Variants in EYA3 observed in about 807,000 individuals in gnomAD.
EYA3 encodes the protein EYA transcriptional coactivator and phosphatase 3, also known as protein phosphatase EYA3.
EYA3 carries 39 observed loss-of-function variants against 80.0 expected under a neutral mutation model. That is an observed-to-expected ratio of 0.49 (90% confidence interval 0.38 to 0.64). EYA3 has a LOEUF of 0.64. EYA3 is among the 30% of genes least tolerant of loss of function. The pLI is 0.00. For missense variants in EYA3, 523 were observed against 676.1 expected (o/e 0.77, Z 2.51); for synonymous variants, 206 against 232.8 (o/e 0.88, Z 1.05).
intron 15 of EYA3, 68 bp from the exon 16 acceptor site, chr1:27,988,724 G>T: frequency 6.4e-7 from 1 of 1,558,078 alleles, no homozygotes; most frequent in Non-Finnish European, 8.7e-7. Flanking sequence ...ATTCGTATGT[G>T]CCAACTCTTT....
chr1:27,980,160 TC>T (rs2148705059), intron 16 of EYA3, among the ~76,000 whole-genome samples: 1 of 152,368 alleles, frequency 6.6e-6, no homozygotes, highest in South Asian at 2.1e-4. Context: ...TTCATATTAA[TC>T]TCACAAATGA....
Position 28,035,666 on chromosome 1 carries a change from A to C in EYA3, c.239T>G (p.Ile80Ser). Residue 80 changes from isoleucine to serine, a missense_variant, in exon 6 of 18, where the codon ATT becomes AGT. Ile to Ser is a moderately radical substitution (Grantham distance 142, BLOSUM62 -2). Coordinates refer to ENST00000373871, the MANE Select transcript of EYA3 (RefSeq NM_001990.4). Reference protein sequence around the residue: ...QMYSAKPYAHILSVPVSETAY... With the variant: ...QMYSAKPYAHSLSVPVSETAY... Reference sequence around the variant, plus strand: ...AGTTTCCGAAACAGGAACTGAGAGAATATGTGCATAAGGTCTGGAAAATTT... The same window carrying C: ...AGTTTCCGAAACAGGAACTGAGAGACTATGTGCATAAGGTCTGGAAAATTT... 6.2e-7 allele frequency: 1 copy of C among 1,614,026 alleles called. No homozygotes were observed. Among genetic ancestry groups the C allele is most frequent in the Non-Finnish European group, 8.5e-7 (1 of 1,179,994 alleles).
At chr1:28,081,749 A>C (rs2148956590) in intron 1 of EYA3, among the ~76,000 whole-genome samples, 1 of 152,302 alleles carries the variant, frequency 6.6e-6, no homozygotes, top group South Asian at 2.1e-4. Flanking sequence ...CTAAAGAAAA[A>C]ATTCAATTTC....
At chr1:28,022,075 T>C (rs1356533573) in intron 7 of EYA3, among the ~76,000 whole-genome samples, 3 of 152,208 alleles carry the variant, frequency 2.0e-5, no homozygotes, top group African/African-American at 7.2e-5. Context: ...CAAATATTTA[T>C]TGAGTGCCTA....
intron 3 of EYA3, among the ~76,000 whole-genome samples, chr1:28,048,179 G>A (rs1644098786): frequency 6.6e-6 from 1 of 152,044 alleles, no homozygotes; most frequent in Non-Finnish European, 1.5e-5. Context: ...AATAATGAAT[G>A]CATAAGAACA....
intron 1 of EYA3, among the ~76,000 whole-genome samples, chr1:28,078,566 G>C (rs547548305): frequency 1.3e-5 from 2 of 151,832 alleles, no homozygotes; most frequent in East Asian, 1.9e-4. Context: ...TTCTTTAATT[G>C]AGACAGTCTC....
intron 12 of EYA3, among the ~76,000 whole-genome samples, chr1:27,999,478 T>C (rs1425594288): frequency 6.6e-6 from 1 of 152,152 alleles, no homozygotes; most frequent in Non-Finnish European, 1.5e-5. Flanking sequence ...TTAACCTACA[T>C]ATGAACAACA....
chr1:28,007,205 G>C (rs1466408903), intron 10 of EYA3, among the ~76,000 whole-genome samples: 1 of 151,892 alleles, frequency 6.6e-6, no homozygotes, highest in Admixed American at 6.6e-5. Context: ...CCCACAAAGT[G>C]CTGGGATTAG....
intron 10 of EYA3, among the ~76,000 whole-genome samples, chr1:28,007,263 C>T (rs1380798273): frequency 2.6e-5 from 4 of 151,590 alleles, no homozygotes; most frequent in African/African-American, 4.8e-5. Context: ...ATGTAGAAAA[C>T]CTTAAATAAC....
intron 1 of EYA3, among the ~76,000 whole-genome samples, chr1:28,080,574 CAT>C (rs1395040076): frequency 6.7e-6 from 1 of 150,366 alleles, no homozygotes; most frequent in African/African-American, 2.5e-5. Flanking sequence ...TTAATATGTA[CAT>C]ATATGTGTCT....
At chr1:28,038,807 A>G (rs1277395958) in intron 5 of EYA3, 32 bp downstream of exon 5, 3 of 1,321,336 alleles carry the variant, frequency 2.3e-6, no homozygotes, top group Non-Finnish European at 3.2e-6. Context: ...CAGAAAAAGC[A>G]TATGCATTTT....
chr1:28,028,733 A>G (rs1466781698), intron 6 of EYA3, among the ~76,000 whole-genome samples: 1 of 151,782 alleles, frequency 6.6e-6, no homozygotes, highest in Non-Finnish European at 1.5e-5. Context: ...TCTTCTATGT[A>G]TTCACTAATC....
chr1:27,977,726 T>C (rs1411425388), intron 17 of EYA3, among the ~76,000 whole-genome samples: 3 of 151,880 alleles, frequency 2.0e-5, no homozygotes, highest in Admixed American at 1.3e-4. Context: ...CGGGTGCCTG[T>C]AGTCCCAGCC....
intron 2 of EYA3, among the ~76,000 whole-genome samples, chr1:28,049,200 A>T (rs1353710751): frequency 1.3e-5 from 2 of 152,222 alleles, no homozygotes. Flanking sequence ...AATCATAGAT[A>T]TTTAATATTA....
intron 16 of EYA3, among the ~76,000 whole-genome samples, chr1:27,979,069 G>A (rs1639137659): frequency 6.6e-6 from 1 of 152,176 alleles, no homozygotes; most frequent in African/African-American, 2.4e-5. Flanking sequence ...AAGATTAATA[G>A]GTTTAGTGAC....
chr1:28,035,441 C>T (rs1261444137), intron 6 of EYA3, 103 bp downstream of exon 6: 1 of 1,294,352 alleles, frequency 7.7e-7, no homozygotes, highest in African/African-American at 1.5e-5. Flanking sequence ...TACCCAACCA[C>T]ATATGTAACT....
At chr1:28,040,621 G>A (rs1557604389) in intron 4 of EYA3, among the ~76,000 whole-genome samples, 1 of 152,186 alleles carries the variant, frequency 6.6e-6, no homozygotes, top group Non-Finnish European at 1.5e-5. Context: ...AGTACTGAGA[G>A]GGAGAATGTG....
In EYA3 at chr1:28,005,525, A is replaced by T. The variant is rs566110557; in HGVS notation, c.910-1106T>A. 2.0e-5 allele frequency among the ~76,000 whole-genome samples: 3 copies of T among 151,870 alleles called. No individual in the cohort carries two copies. In the East Asian group the frequency reaches 5.8e-4, roughly 30 times the overall value. ...GCCCAGGAGTTTGAGACCAGCCTGG[A>T]CAACATGGCAAAACACCGTCTCTAC... On this transcript the variant is annotated intron_variant, in intron 10 of 17. Transcript: ENST00000373871.
intron 1 of EYA3, among the ~76,000 whole-genome samples, chr1:28,059,110 T>C (rs1007486784): frequency 4.6e-5 from 7 of 152,208 alleles, no homozygotes; most frequent in African/African-American, 1.7e-4. Context: ...AAACTTGTTA[T>C]GCCAGTATAC....
Sources: allele counts gnomAD v4.1 joint callset (sites outside exome capture counted in the v4.1 genomes callset), GRCh38; gene constraint gnomAD v4.1.1; transcripts MANE v1.5; gene names NCBI Gene and HGNC (gene_info 2026-07-23, HGNC 2026-07-21).